DLG2: variants seen among roughly 807,000 people sequenced by gnomAD.
DLG2 encodes discs large MAGUK scaffold protein 2, also known as disks large homolog 2.
DLG2 carries 45 observed loss-of-function variants against 132.5 expected under a neutral mutation model. The observed-to-expected ratio is 0.34, with a 90% confidence interval of 0.27 to 0.44. The LOEUF (loss-of-function observed/expected upper bound fraction) is 0.44, where lower values mean the gene tolerates loss of function less well. Ranked by LOEUF, DLG2 falls within the 20% of genes least tolerant of loss-of-function variation. The probability of loss-of-function intolerance (pLI) is 1.00; values close to 1 mark genes in which losing one functional copy is unlikely to be tolerated. For synonymous variants in DLG2, 424 were observed against 419.6 expected (o/e 1.01, Z -0.13); for missense variants, 1,045 against 1,196.9 (o/e 0.87, Z 1.87).
intron 6 of DLG2, among the ~76,000 whole-genome samples, chr11:84,825,474 A>T (rs1336174620): frequency 2.0e-5 from 3 of 151,944 alleles, no homozygotes; most frequent in Non-Finnish European, 4.4e-5. Flanking sequence ...TGAGAAATGA[A>T]CTATTTAAAA....
chr11:84,467,672 A>T (rs1171916414), intron 7 of DLG2, among the ~76,000 whole-genome samples: 2 of 151,422 alleles, frequency 1.3e-5, no homozygotes, highest in African/African-American at 4.8e-5. Flanking sequence ...TTTATGAAAA[A>T]AATTGGGATA....
intron 6 of DLG2, among the ~76,000 whole-genome samples, chr11:85,062,812 A>C (rs2154160742): frequency 6.6e-6 from 1 of 151,852 alleles, no homozygotes; most frequent in South Asian, 2.1e-4. Context: ...CAGAAGACTA[A>C]AAGAGAGTTA....
intron 7 of DLG2, among the ~76,000 whole-genome samples, chr11:84,422,193 CTTA>C (rs1824032277): frequency 6.6e-6 from 1 of 152,154 alleles, no homozygotes; most frequent in African/African-American, 2.4e-5. Flanking sequence ...CTAATTACTA[CTTA>C]TTATAGTGAA....
intron 19 of DLG2, among the ~76,000 whole-genome samples, chr11:83,570,178 C>A (rs1207502345): frequency 6.6e-6 from 1 of 152,172 alleles, no homozygotes; most frequent in East Asian, 1.9e-4. Context: ...TAAACATGTA[C>A]CCCCTCAAAC....
chr11:84,678,483 C>T (rs762935566), intron 6 of DLG2, among the ~76,000 whole-genome samples: 2 of 152,062 alleles, frequency 1.3e-5, no homozygotes, highest in African/African-American at 2.4e-5. Context: ...AATTTACAGT[C>T]AAGTCCTGCC....
At chr11:84,680,470 G>A (rs1176536157) in intron 6 of DLG2, among the ~76,000 whole-genome samples, 2 of 152,026 alleles carry the variant, frequency 1.3e-5, no homozygotes, top group Admixed American at 1.3e-4. Context: ...CTTACATGCT[G>A]GTCCTCTCAG....
rs1489727182 is a variant in DLG2 at position 85,548,480 on chromosome 11, G to A, written c.40+50177C>T. 9.8e-5 allele frequency among the ~76,000 whole-genome samples: 15 copies of A among 152,338 alleles called. 1 individual carries two copies. The highest frequency in any genetic ancestry group is 3.4e-4 in the African/African-American group (14 of 41,588). ...ATACACGGGGGTCAGGGACCCACTT[G>A]AGGAGGCAGTCTGTCCCTTATCAGA... On this transcript the variant is annotated intron_variant, in intron 3 of 27. Transcript: ENST00000376104.
chr11:85,330,991 G>A (rs1396090898), intron 3 of DLG2, among the ~76,000 whole-genome samples: 1 of 152,074 alleles, frequency 6.6e-6, no homozygotes, highest in East Asian at 1.9e-4. Flanking sequence ...ATGCAGGGAT[G>A]ATAAAATACA....
At chr11:84,390,605 A>C (rs2098789328) in intron 7 of DLG2, among the ~76,000 whole-genome samples, 1 of 152,150 alleles carries the variant, frequency 6.6e-6, no homozygotes, top group Admixed American at 6.6e-5. Flanking sequence ...GCATCTATGG[A>C]ATGTGAAGCC....
chr11:83,524,190 T>C (rs1286436330), intron 21 of DLG2, among the ~76,000 whole-genome samples: 2 of 151,838 alleles, frequency 1.3e-5, no homozygotes, highest in Admixed American at 1.3e-4. Context: ...TAGGCTTAGA[T>C]AAGTTATGAT....
chr11:84,292,205 C>T (rs1403898453), intron 7 of DLG2, among the ~76,000 whole-genome samples: 1 of 152,132 alleles, frequency 6.6e-6, no homozygotes, highest in East Asian at 1.9e-4. Context: ...GGCAGAAAGA[C>T]AAGAGAGGAA....
At chr11:84,373,388 G>C (rs955178276) in intron 7 of DLG2, among the ~76,000 whole-genome samples, 2 of 151,262 alleles carry the variant, frequency 1.3e-5, no homozygotes, top group African/African-American at 4.9e-5. Context: ...TGGCCAACAA[G>C]ATGAAACCCC....
intron 15 of DLG2, among the ~76,000 whole-genome samples, chr11:83,883,886 A>G (rs1252241180): frequency 6.6e-6 from 1 of 152,228 alleles, no homozygotes; most frequent in Non-Finnish European, 1.5e-5. Flanking sequence ...TAAATCAGGT[A>G]TTAGATAGTT....
At chr11:84,834,478 C>A (rs998582060) in intron 6 of DLG2, among the ~76,000 whole-genome samples, 1 of 151,492 alleles carries the variant, frequency 6.6e-6, no homozygotes, top group Non-Finnish European at 1.5e-5. Flanking sequence ...CTCTGCAAAT[C>A]CCTCCAAATT....
intron 3 of DLG2, among the ~76,000 whole-genome samples, chr11:85,337,503 G>T (rs750845338): frequency 6.6e-6 from 1 of 152,156 alleles, no homozygotes; most frequent in African/African-American, 2.4e-5. Flanking sequence ...CCATATCAAA[G>T]TTTCTGAATC....
intron 3 of DLG2, among the ~76,000 whole-genome samples, chr11:85,465,763 CAT>C (rs1185007765): frequency 2.0e-5 from 3 of 152,050 alleles, no homozygotes; most frequent in African/African-American, 7.2e-5. Flanking sequence ...CCACAATAAA[CAT>C]ATGTGTGCAT....
intron 6 of DLG2, among the ~76,000 whole-genome samples, chr11:84,937,539 A>T (rs772741452): frequency 2.6e-5 from 4 of 152,176 alleles, no homozygotes; most frequent in Non-Finnish European, 5.9e-5. Flanking sequence ...AAGCGTATAT[A>T]CAGGAGTTAA....
At chr11:83,747,611 C>T (rs2093014629) in intron 18 of DLG2, among the ~76,000 whole-genome samples, 1 of 152,118 alleles carries the variant, frequency 6.6e-6, no homozygotes, top group Admixed American at 6.6e-5. Flanking sequence ...GTGATCCATC[C>T]TGGGCTCAAA....
intron 6 of DLG2, among the ~76,000 whole-genome samples, chr11:84,932,258 C>A (rs2048181548): frequency 6.6e-6 from 1 of 152,120 alleles, no homozygotes; most frequent in African/African-American, 2.4e-5. Context: ...TTAGGTTTTA[C>A]ATTGAAGTAT....
Sources: allele counts gnomAD v4.1 joint callset (sites outside exome capture counted in the v4.1 genomes callset), GRCh38; gene constraint gnomAD v4.1.1; transcripts MANE v1.5; gene names NCBI Gene and HGNC (gene_info 2026-07-23, HGNC 2026-07-21).